The following RAPGEF1 variants were observed in gnomAD, a reference collection of about 807,000 sequenced individuals.
RAPGEF1 encodes the protein Rap guanine nucleotide exchange factor 1, also known as CRK SH3-binding GNRP.
In RAPGEF1, 33 loss-of-function variants were observed where a neutral mutation model predicts 143.3. That is an observed-to-expected ratio of 0.23 (90% CI 0.17 to 0.31). RAPGEF1 has a LOEUF of 0.31. RAPGEF1 is among the 10% of genes least tolerant of loss of function. The pLI is 1.00. For synonymous variants in RAPGEF1, 629 were observed against 676.5 expected, an observed-to-expected ratio of 0.93 and a Z score of 1.09; for missense variants, 1,199 against 1,645.4, an observed-to-expected ratio of 0.73 and a Z score of 4.69.
intron 1 of RAPGEF1, among the ~76,000 whole-genome samples, chr9:131,701,519 C>A (rs992548033): frequency 2.0e-4 from 30 of 152,170 alleles, no homozygotes; most frequent in African/African-American, 6.0e-4. Context: ...AAATAGGAAG[C>A]CACTGGCATT....
At position 131,615,221 on chromosome 9, in the gene RAPGEF1, C is replaced by T. The variant is rs145775040; in HGVS notation, c.2061+3830G>A. On this transcript the variant is annotated intron_variant, in intron 12 of 26. Coordinates refer to ENST00000683357, the MANE Select transcript of RAPGEF1 (RefSeq NM_001377935.1). ...CCAAGTAGCTGGGACTACAGGCGCC[C>T]GCCACCATGCCTGGCTAATTTTTTT... Among the ~76,000 whole-genome samples, 1,288 of 152,330 alleles carry T rather than the reference C, an allele frequency of 8.5e-3. 22 individuals are homozygous for T. The highest frequency in any genetic ancestry group is 0.028 in the African/African-American group (1,168 of 41,584).
At chr9:131,716,450 T>C (rs183520812) in intron 1 of RAPGEF1, among the ~76,000 whole-genome samples, 2 of 152,272 alleles carry the variant, frequency 1.3e-5, no homozygotes, top group East Asian at 1.9e-4. Flanking sequence ...AAAGTCTAAA[T>C]ATGTAAGGAG....
At chr9:131,630,914 A>G (rs78239734) in intron 5 of RAPGEF1, among the ~76,000 whole-genome samples, 13,717 of 152,018 alleles carry the variant, frequency 0.09, 753 homozygotes, top group East Asian at 0.26. Flanking sequence ...TCGTAGCAAA[A>G]GAAAAAAAAG....
At chr9:131,642,449 A>G (rs1031999189) in intron 4 of RAPGEF1, among the ~76,000 whole-genome samples, 1 of 152,248 alleles carries the variant, frequency 6.6e-6, no homozygotes, top group African/African-American at 2.4e-5. Flanking sequence ...CCAGCAGGCT[A>G]GCTCCTGGCT....
At chr9:131,581,771 G>C (rs1951899124) in intron 25 of RAPGEF1, among the ~76,000 whole-genome samples, 1 of 152,180 alleles carries the variant, frequency 6.6e-6, no homozygotes, top group Non-Finnish European at 1.5e-5. Flanking sequence ...GAGGACTTAA[G>C]GCCAGATGAG....
chr9:131,702,226 C>G (rs1284819153), intron 1 of RAPGEF1, among the ~76,000 whole-genome samples: 1 of 152,168 alleles, frequency 6.6e-6, no homozygotes, highest in Non-Finnish European at 1.5e-5. Flanking sequence ...AACAACACTT[C>G]TGGGCTCACT....
chr9:131,599,506 A>G (rs1347346462), intron 15 of RAPGEF1, among the ~76,000 whole-genome samples: 1 of 151,042 alleles, frequency 6.6e-6, no homozygotes, highest in African/African-American at 2.4e-5. Flanking sequence ...GGGTACCATG[A>G]GCACAGCCAG....
At chr9:131,630,877 C>T (rs536704471) in intron 5 of RAPGEF1, among the ~76,000 whole-genome samples, 2 of 150,118 alleles carry the variant, frequency 1.3e-5, no homozygotes, top group Non-Finnish European at 3.0e-5. Context: ...CTGAGAAAAA[C>T]AGAAAAGAAA....
chr9:131,687,502 G>A (rs2130983744), intron 1 of RAPGEF1, among the ~76,000 whole-genome samples: 1 of 152,230 alleles, frequency 6.6e-6, no homozygotes, highest in South Asian at 2.1e-4. Context: ...GCCTTGCATA[G>A]AATTCCCATT....
chr9:131,642,607 G>A (rs1370360323), intron 4 of RAPGEF1, among the ~76,000 whole-genome samples: 1 of 152,204 alleles, frequency 6.6e-6, no homozygotes, highest in Non-Finnish European at 1.5e-5. Flanking sequence ...GATAAGGCCC[G>A]CCCTGGACCC....
Position 131,638,556 on chromosome 9 carries a change from C to G in RAPGEF1, c.651+79G>C. The G allele has an allele frequency of 2.0e-6, 3 of 1,520,524 alleles. No individual in the cohort carries two copies. The East Asian group carries it at 6.8e-5, about 34-fold the overall frequency. The allele number at this position is 1,520,524 out of a possible 1,614,324, so 94.2% of individuals were successfully genotyped here. ...CATTCTAATGTTTGAAGGTCAGGAG[C>G]AAGCTCTTATGTGACAAGCACCAGC... is the stretch of plus-strand genomic sequence containing the variant. On this transcript the variant is annotated intron_variant, in intron 5 of 26. Transcript: ENST00000683357.
At chr9:131,645,760 C>T (rs894061352) in intron 3 of RAPGEF1, among the ~76,000 whole-genome samples, 4 of 152,328 alleles carry the variant, frequency 2.6e-5, no homozygotes, top group South Asian at 4.1e-4. Context: ...CGTTCACCTG[C>T]GCACCCCTCC....
chr9:131,585,306 G>A (rs753160), intron 22 of RAPGEF1, among the ~76,000 whole-genome samples: 8,004 of 151,844 alleles, frequency 0.053, 406 homozygotes, highest in East Asian at 0.18. Context: ...CCAGCTTCCC[G>A]AGTAGCTGGG....
chr9:131,617,970 A>G (rs1195733650), intron 12 of RAPGEF1, among the ~76,000 whole-genome samples: 1 of 152,230 alleles, frequency 6.6e-6, no homozygotes, highest in African/African-American at 2.4e-5. Context: ...TCCCCTCTTC[A>G]GTGTCAGCCC....
At position 131,584,845 on chromosome 9, in the gene RAPGEF1, G is replaced by A. The variant is rs1189912224; in HGVS notation, c.3234-249C>T. 1.3e-5 allele frequency among the ~76,000 whole-genome samples: 2 copies of A among 152,210 alleles called. No individual in the cohort carries two copies. The highest frequency in any genetic ancestry group is 2.9e-5 in the Non-Finnish European group (2 of 68,046). The stretch of plus-strand genomic sequence containing the variant: ...GTGACCATAAGGAAATCTGGTGAAG[G>A]CCCAAAGGGGGCTTCGAATCTGCAG... On this transcript the variant is annotated intron_variant, in intron 22 of 26. Coordinates refer to ENST00000683357, the MANE Select transcript of RAPGEF1 (RefSeq NM_001377935.1). The surrounding 1 kb of genome is among the most constrained non-coding windows in gnomAD (Gnocchi z 6.8).
intron 1 of RAPGEF1, among the ~76,000 whole-genome samples, chr9:131,704,718 C>A (rs1470797910): frequency 2.0e-5 from 3 of 151,634 alleles, no homozygotes; most frequent in African/African-American, 7.3e-5. Flanking sequence ...GTAAGCAACT[C>A]TTCAAATCAT....
chr9:131,689,308 G>A (rs1282898631), intron 1 of RAPGEF1, among the ~76,000 whole-genome samples: 1 of 152,198 alleles, frequency 6.6e-6, no homozygotes, highest in African/African-American at 2.4e-5. Flanking sequence ...TACGAGTTCA[G>A]AGAATGCCTC....
At position 131,655,150 on chromosome 9, in the gene RAPGEF1, G is replaced by A. The variant is rs115219336; in HGVS notation, c.62-4201C>T. Among the ~76,000 whole-genome samples the A allele has an allele frequency of 0.012, 1,757 of 152,258 alleles. 39 individuals carry two copies. Among genetic ancestry groups the A allele is most frequent in the African/African-American group, 0.039 (1,625 of 41,522 alleles). On this transcript the variant is annotated intron_variant, in intron 1 of 26. Transcript: ENST00000683357. This position sits in a 1 kb window ranked among gnomAD's most constrained non-coding sequence, Gnocchi z 4.1. ...TCCCTTGCTAAAGACCTTCCAGGTG[G>A]CCAGGCAGGATCAGATAAACTACCT...
chr9:131,737,571 C>T, intron 1 of RAPGEF1: 1 of 1,560,004 alleles, frequency 6.4e-7, no homozygotes, highest in Non-Finnish European at 8.7e-7. Flanking sequence ...ATGAACTGGC[C>T]TCAGGTCTTT....
Sources: gnomAD v4.1 joint callset for allele counts (sites outside exome capture counted in the v4.1 genomes callset) on GRCh38, gnomAD v4.1.1 for gene constraint, Gnocchi (gnomAD v3.1) non-coding constraint, MANE v1.5 for transcripts, NCBI Gene and HGNC (gene_info 2026-07-23, HGNC 2026-07-21) for gene names.